The following VPS13C variants were observed in gnomAD, a reference collection of about 807,000 sequenced individuals.
VPS13C encodes the protein vacuolar protein sorting 13 homolog C, also known as intermembrane lipid transfer protein VPS13C.
A neutral mutation model predicts 456.8 loss-of-function variants in VPS13C; 358 were observed. The observed-to-expected ratio is 0.78, with a 90% CI of 0.72 to 0.86. The LOEUF (loss-of-function observed/expected upper bound fraction) is 0.86, where lower values mean the gene tolerates loss of function less well. Among genes scored for constraint, VPS13C ranks in the 40% least tolerant of loss-of-function variants. VPS13C has a pLI of 0.00. For missense variants in VPS13C, 4,818 were observed against 4,385.4 expected, an observed-to-expected ratio of 1.10 and a Z score of -2.79; for synonymous variants, 1,578 against 1,486.7, an observed-to-expected ratio of 1.06 and a Z score of -1.41.
At chr15:62,006,110 T>TA (rs2046833582) in intron 15 of VPS13C, among the ~76,000 whole-genome samples, 2 of 151,410 alleles carry the variant, frequency 1.3e-5, no homozygotes, top group Admixed American at 6.6e-5. Context: ...ATTTTTTTTT[T>TA]ATTATTATTA....
In VPS13C at chr15:61,982,536, T is replaced by G; in HGVS notation, c.1952A>C (p.Asn651Thr). 2.5e-6 allele frequency: 4 copies of G among 1,609,692 alleles called. No homozygotes were observed. The highest frequency in any genetic ancestry group is 3.4e-6 in the Non-Finnish European group (4 of 1,178,774). ...VNAVVEFFQS[N>T]KGLDLEQITS... ...TATTTGCTCAAGATCCAATCCCTTA[T>G]TTGATTGAAAGAATTCAACCACTGC... Residue 651 changes from asparagine to threonine, a missense_variant, in exon 21 of 85, where the codon AAT becomes ACT. Asn to Thr is a moderately conservative substitution (Grantham distance 65). Around this residue, in one of 3 missense-constraint regions of VPS13C, gnomAD observed 4,552 missense variants for 4,130.6 expected, o/e 1.10. Coordinates refer to ENST00000644861, the MANE Select transcript of VPS13C (RefSeq NM_020821.3).
chr15:61,955,076 G>C (rs1018851986), intron 37 of VPS13C, among the ~76,000 whole-genome samples: 2 of 152,010 alleles, frequency 1.3e-5, no homozygotes, highest in African/African-American at 4.8e-5. Context: ...AATAAACAAA[G>C]GTAAAGCTAT....
intron 66 of VPS13C, among the ~76,000 whole-genome samples, chr15:61,895,310 A>T (rs1016859850): frequency 1.3e-5 from 2 of 152,180 alleles, no homozygotes; most frequent in Admixed American, 1.3e-4. Context: ...AATCTAGAAA[A>T]GCAAGAATAA....
At chr15:61,871,627 G>A (rs907786469) in intron 79 of VPS13C, among the ~76,000 whole-genome samples, 2 of 151,960 alleles carry the variant, frequency 1.3e-5, no homozygotes, top group African/African-American at 4.8e-5. Context: ...GACTTGGCTT[G>A]TCAATTTCTG....
chr15:61,961,648 G>A lies in VPS13C; in HGVS notation c.3849C>T (p.Tyr1283=). ...NQFSLVSDED[Y]LNPPVIDRMD... is the part of the protein sequence containing the mutation. Reference sequence around the variant, plus strand: ...TTCTATCAATTACTGGAGGATTTAAGTAGTCTTCATCAGACACCAGACTGA... The same window carrying A: ...TTCTATCAATTACTGGAGGATTTAAATAGTCTTCATCAGACACCAGACTGA... Residue 1283 remains tyrosine, a synonymous_variant, in exon 35 of 85, where the codon TAC becomes TAT. Coordinates refer to ENST00000644861, the MANE Select transcript of VPS13C (RefSeq NM_020821.3). 1.2e-6 allele frequency: 2 copies of A among 1,613,706 alleles called. No individual in the cohort carries two copies. The highest frequency in any genetic ancestry group is 1.7e-6 in the Non-Finnish European group (2 of 1,179,776).
At chr15:61,917,189 T>C (rs1326857488) in intron 60 of VPS13C, 152 bp downstream of exon 60, 2 of 796,676 alleles carry the variant, frequency 2.5e-6, no homozygotes, top group Non-Finnish European at 3.9e-6. Context: ...TAGTAAATGT[T>C]ATGCCAGTTT....
intron 13 of VPS13C, among the ~76,000 whole-genome samples, chr15:62,009,744 C>G (rs895815534): frequency 3.9e-5 from 6 of 152,106 alleles, no homozygotes; most frequent in African/African-American, 1.4e-4. Flanking sequence ...GTTCACCAAG[C>G]CTGTCACCCC....
intron 61 of VPS13C, among the ~76,000 whole-genome samples, chr15:61,913,652 CAATGAGTAT>C (rs1430182212): frequency 6.6e-6 from 1 of 152,050 alleles, no homozygotes; most frequent in Admixed American, 6.5e-5. Context: ...TTCACCTATG[CAATGAGTAT>C]AGTAAATCTA....
chr15:61,928,383 A>C (rs2043939694), intron 51 of VPS13C, among the ~76,000 whole-genome samples: 1 of 152,152 alleles, frequency 6.6e-6, no homozygotes. Context: ...AATTTCACCC[A>C]AAAGTCCATA....
Position 61,949,514 on chromosome 15 carries a change from G to A in VPS13C, c.4688C>T (p.Pro1563Leu), listed in dbSNP as rs1469713724. Residue 1563 changes from proline (P) to leucine (L), a missense_variant, in exon 42 of 85, where the codon CCT (proline) becomes CTT (leucine). By Grantham distance (98) the Pro-to-Leu change is moderately conservative (BLOSUM62 -3). Transcript: ENST00000644861. Reference sequence around the variant, plus strand: ...CTCGGATTCCTTCTCAGAAGAGGAAGGCTCAGAGAATGGAGCAGCAGATGA... The same window carrying A: ...CTCGGATTCCTTCTCAGAAGAGGAAAGCTCAGAGAATGGAGCAGCAGATGA... ...FLSSAAPFSE[P>L]SSSEKESELK... 3 of 1,613,636 alleles carry A rather than the reference G, an allele frequency of 1.9e-6. No homozygotes were observed. The highest frequency in any genetic ancestry group is 2.7e-5 in the African/African-American group (2 of 74,886).
rs995400496 is a variant in VPS13C at position 61,931,312 on chromosome 15, T to C, written c.5869-53A>G. ...TCAATTACCTTTAAATATTATATAA[T>C]TACTTTTAAACATATTACTTAATTC... On this transcript the variant is annotated intron_variant, in intron 49 of 84. Transcript: ENST00000644861. 6 of 1,485,626 alleles carry C rather than the reference T, an allele frequency of 4.0e-6. No homozygotes were observed. In the African/African-American group the frequency reaches 8.6e-5, roughly 21 times the overall value. 92.0% of individuals were successfully genotyped at this position (1,485,626 alleles called of 1,614,324 possible).
intron 63 of VPS13C, among the ~76,000 whole-genome samples, chr15:61,910,512 A>G (rs944304114): frequency 3.3e-5 from 5 of 152,178 alleles, no homozygotes; most frequent in Admixed American, 3.3e-4. Flanking sequence ...GAATACAGAT[A>G]TATTAGTCTA....
chr15:61,946,031 C>T (rs1301468541), intron 44 of VPS13C, 149 bp from the exon 45 acceptor site: 7 of 780,226 alleles, frequency 9.0e-6, no homozygotes, highest in African/African-American at 3.6e-5. Context: ...AAACATTTTA[C>T]GTGACAATAA....
chr15:61,923,443 CATA>C (rs1185141075), intron 53 of VPS13C, among the ~76,000 whole-genome samples: 1 of 152,106 alleles, frequency 6.6e-6, no homozygotes, highest in Non-Finnish European at 1.5e-5. Context: ...CTGCCACCAG[CATA>C]ATTTTTCTAC....
intron 49 of VPS13C, 77 bp downstream of exon 49, chr15:61,934,142 C>A: frequency 2.2e-6 from 2 of 923,342 alleles, no homozygotes; most frequent in South Asian, 2.7e-5. Context: ...AAGTCCCACA[C>A]AAAAAAAAGC....
intron 1 of VPS13C, among the ~76,000 whole-genome samples, chr15:62,047,308 C>T (rs192263632): frequency 6.6e-6 from 1 of 151,932 alleles, no homozygotes; most frequent in East Asian, 1.9e-4. Context: ...GTGGCATGAG[C>T]CTGTAATCCC....
chr15:61,900,047 T>C (rs2042948886), intron 66 of VPS13C, among the ~76,000 whole-genome samples: 3 of 152,166 alleles, frequency 2.0e-5, no homozygotes, highest in African/African-American at 4.8e-5. Flanking sequence ...AAAAGGCCTT[T>C]GACAAAATTC....
chr15:61,933,106 A>T (rs2044116168), intron 49 of VPS13C, among the ~76,000 whole-genome samples: 1 of 152,214 alleles, frequency 6.6e-6, no homozygotes, highest in South Asian at 2.1e-4. Flanking sequence ...GAAGTGATAG[A>T]AAAAAGTAAA....
chr15:61,973,348 AATTACTAC>A (rs2045611330), intron 26 of VPS13C, 98 bp downstream of exon 26: 2 of 899,322 alleles, frequency 2.2e-6, no homozygotes, highest in Non-Finnish European at 3.5e-6. Context: ...AAAACCAGTA[AATTACTAC>A]AGCACTTTCA....
Sources: allele counts gnomAD v4.1 joint callset (sites outside exome capture counted in the v4.1 genomes callset), GRCh38; gene constraint gnomAD v4.1.1; regional missense constraint gnomAD v4.1.1; transcripts MANE v1.5; gene names NCBI Gene and HGNC (gene_info 2026-07-23, HGNC 2026-07-21).